The following ZNF451 variants were observed in gnomAD, a reference collection of about 807,000 sequenced individuals.
ZNF451 encodes the protein E3 SUMO-protein ligase ZNF451.
In ZNF451, 80 loss-of-function variants were observed where a neutral mutation model predicts 107.1. That is an observed-to-expected ratio of 0.75 (90% CI 0.62 to 0.90). ZNF451 has a LOEUF of 0.90. Ranked by LOEUF, ZNF451 falls within the 40% of genes least tolerant of loss-of-function variation. The pLI is 0.00. For synonymous variants in ZNF451, 362 were observed against 406.5 expected (o/e 0.89, Z 1.32); for missense variants, 1,107 against 1,236.2 (o/e 0.90, Z 1.57).
chr6:57,108,002 C>T (rs968026515), intron 3 of ZNF451: 10 of 510,210 alleles, frequency 2.0e-5, no homozygotes, highest in South Asian at 8.6e-5. Context: ...CCACACCCGG[C>T]GAATTTTTTG....
chr6:57,138,737 A>ATGTGTGTG (rs1291098237), intron 7 of ZNF451, among the ~76,000 whole-genome samples: 6 of 91,276 alleles, frequency 6.6e-5, no homozygotes, highest in African/African-American at 2.5e-4. Context: ...ATATATATAT[A>ATGTGTGTG]TATATGTGTG....
At chr6:57,127,531 A>G (rs1830986994) in intron 4 of ZNF451, among the ~76,000 whole-genome samples, 1 of 152,140 alleles carries the variant, frequency 6.6e-6, no homozygotes, top group Non-Finnish European at 1.5e-5. Flanking sequence ...TATGGTTTAT[A>G]TCTTACAAAT....
chr6:57,167,900 C>T (rs898846355), intron 14 of ZNF451, among the ~76,000 whole-genome samples: 3 of 152,160 alleles, frequency 2.0e-5, no homozygotes, highest in Non-Finnish European at 4.4e-5. Flanking sequence ...ATATTATATG[C>T]TTCTCAGATG....
At chr6:57,101,313 A>C in intron 3 of ZNF451, 1 of 1,550,752 alleles carries the variant, frequency 6.4e-7, no homozygotes, top group Non-Finnish European at 8.7e-7. Context: ...TGGTTCCTCC[A>C]TTGCATCCTC....
intron 7 of ZNF451, among the ~76,000 whole-genome samples, chr6:57,138,270 T>C (rs958496668): frequency 1.3e-5 from 2 of 151,810 alleles, no homozygotes; most frequent in Admixed American, 6.6e-5. Flanking sequence ...TTCTGCCTTT[T>C]TTTTTTTTTT....
At chr6:57,097,116 C>T (rs935030463) in intron 2 of ZNF451, among the ~76,000 whole-genome samples, 1 of 152,112 alleles carries the variant, frequency 6.6e-6, no homozygotes, top group African/African-American at 2.4e-5. Flanking sequence ...TGATTCAGCT[C>T]TGTTTACCAT....
chr6:57,103,554 G>GTC (rs1829706407), intron 3 of ZNF451: 11 of 985,366 alleles, frequency 1.1e-5, no homozygotes, highest in Non-Finnish European at 1.3e-5. Flanking sequence ...TTAGATCCAT[G>GTC]TCTTCACAGC....
At chr6:57,101,410 G>A (rs1283988139) in intron 3 of ZNF451, 1 of 1,550,512 alleles carries the variant, frequency 6.4e-7, no homozygotes, top group Non-Finnish European at 8.7e-7. Flanking sequence ...ATATCCTGTG[G>A]CCAAGGACAC....
chr6:57,098,198 G>C (rs1343002903), intron 2 of ZNF451, among the ~76,000 whole-genome samples: 1 of 149,928 alleles, frequency 6.7e-6, no homozygotes, highest in African/African-American at 2.4e-5. Context: ...TCGAACTCCA[G>C]CCTGGCCAAC....
Position 57,159,439 on chromosome 6 carries a change from CTGTGGCCCACGGGCCACA to C in ZNF451, c.3071-1635_3071-1618del, listed in dbSNP as rs529422856. 2.1e-4 allele frequency: 202 copies of C among 978,052 alleles called. 1 individual carries two copies. In the African/African-American group the frequency reaches 2.2e-3, roughly 11 times the overall value. The allele number at this position is 978,052 out of a possible 1,614,324, so 60.6% of individuals were successfully genotyped here. A position where few individuals can be genotyped will look rare whatever the true frequency, so the allele number is the denominator to read the frequency against. The stretch of plus-strand genomic sequence containing the variant: ...AATGTTTAGAGCAAGCTTGTCTAAC[CTGTGGCCCACGGGCCACA>C]TGTGGCCCAGTTCAGCTTTGAATGT... On this transcript the variant is annotated intron_variant, in intron 13 of 14. Coordinates refer to ENST00000370706, the MANE Select transcript of ZNF451 (RefSeq NM_001031623.3).
intron 14 of ZNF451, among the ~76,000 whole-genome samples, chr6:57,166,599 A>G (rs184872481): frequency 1.2e-3 from 188 of 152,368 alleles, no homozygotes; most frequent in Non-Finnish European, 2.2e-3. Context: ...GCACAGAGTC[A>G]GGATCATCAA....
intron 3 of ZNF451, chr6:57,102,042 C>T: frequency 8.4e-6 from 13 of 1,539,730 alleles, no homozygotes; most frequent in Non-Finnish European, 1.1e-5. Context: ...GAAACCACCC[C>T]TATAGATATA....
intron 3 of ZNF451, among the ~76,000 whole-genome samples, chr6:57,122,753 G>A (rs1830703612): frequency 2.0e-5 from 3 of 152,210 alleles, no homozygotes. Context: ...AGAGAAAAGG[G>A]AACATTTATA....
Position 57,148,048 on chromosome 6 carries a change from T to G in ZNF451, c.1963T>G (p.Cys655Gly). ...TAAGATAGAAACATTGTACCGACAT[T>G]GCCAAGATGAGCATGACAATGAGAT... ...FHKIETLYRH[C>G]QDEHDNEIKI... Residue 655 changes from cysteine to glycine, a missense_variant, in exon 10 of 15, where the codon TGC becomes GGC. Physicochemically the swap from Cys to Gly is radical, Grantham distance 159 (BLOSUM62 -3). This residue lies in a region of ZNF451 where 608 missense variants were observed against 649.2 expected (regional missense o/e 0.94). Transcript: ENST00000370706. The G allele has an allele frequency of 6.2e-7, 1 of 1,614,122 alleles. No individual in the cohort carries two copies. Among genetic ancestry groups the G allele is most frequent in the South Asian group, 1.1e-5 (1 of 91,074 alleles).
intron 3 of ZNF451, chr6:57,101,764 G>T: frequency 6.4e-7 from 1 of 1,550,544 alleles, no homozygotes. Flanking sequence ...CAGAGTTATG[G>T]CCATGGCCAT....
chr6:57,170,177 ATAAT>A lies in ZNF451; in HGVS notation c.*1712_*1715del, dbSNP rs1764070195. 1 of 152,234 alleles carries A rather than the reference ATAAT, an allele frequency of 6.6e-6. No homozygotes were observed. The highest frequency in any genetic ancestry group is 1.5e-5 in the Non-Finnish European group (1 of 68,038). The allele number at this position is 152,234 out of a possible 1,614,324, so 9.4% of individuals were successfully genotyped here. A position where few individuals can be genotyped will look rare whatever the true frequency, so the allele number is the denominator to read the frequency against. ...CACTGATCGTATTTCTACTTGTTAA[ATAAT>A]TAAAAATCATCTTAAAATTCATACT... On this transcript the variant is annotated 3_prime_UTR_variant, in exon 15 of 15. Coordinates refer to ENST00000370706, the MANE Select transcript of ZNF451 (RefSeq NM_001031623.3).
intron 3 of ZNF451, 66 bp downstream of exon 3, chr6:57,099,207 A>G (rs1259907443): frequency 1.6e-6 from 2 of 1,280,468 alleles, no homozygotes; most frequent in East Asian, 4.8e-5. Context: ...CTCTAAAGAG[A>G]GTTACCAAAT....
intron 3 of ZNF451, chr6:57,115,139 A>C (rs1012750483): frequency 6.6e-6 from 1 of 152,208 alleles, no homozygotes; most frequent in African/African-American, 2.4e-5. Context: ...ACATGCCTGT[A>C]GGCCCAGCTA....
At chr6:57,102,118 G>C in intron 3 of ZNF451, 1 of 1,471,926 alleles carries the variant, frequency 6.8e-7, no homozygotes, top group Non-Finnish European at 9.0e-7. Flanking sequence ...ATGTTCAGCA[G>C]AGTAGTCATT....
Sources: gnomAD v4.1 joint callset for allele counts (sites outside exome capture counted in the v4.1 genomes callset) on GRCh38, gnomAD v4.1.1 for gene constraint, gnomAD v4.1.1 regional missense constraint, MANE v1.5 for transcripts, NCBI Gene and HGNC (gene_info 2026-07-23, HGNC 2026-07-21) for gene names.